SPOCK1: variants seen among roughly 807,000 people sequenced by gnomAD.
SPOCK1 encodes testican-1.
In SPOCK1, 23 loss-of-function variants were observed where a neutral mutation model predicts 55.3. The ratio of observed to expected loss-of-function variants is 0.42; its 90% confidence interval spans 0.30 to 0.59. The LOEUF is 0.59. Ranked by LOEUF, SPOCK1 falls within the 20% of genes least tolerant of loss-of-function variation. The pLI is 0.22. For synonymous variants in SPOCK1, 226 were observed against 221.0 expected (o/e 1.02, Z -0.20); for missense variants, 499 against 552.5 (o/e 0.90, Z 0.97).
At chr5:137,007,480 G>A (rs185969166) in intron 6 of SPOCK1, among the ~76,000 whole-genome samples, 1 of 152,232 alleles carries the variant, frequency 6.6e-6, no homozygotes, top group East Asian at 1.9e-4. Context: ...GTTGGCAAAG[G>A]ATATGAACAG....
At chr5:137,172,258 A>G (rs1156346125) in intron 3 of SPOCK1, among the ~76,000 whole-genome samples, 1 of 152,206 alleles carries the variant, frequency 6.6e-6, no homozygotes, top group Non-Finnish European at 1.5e-5. Flanking sequence ...AAGCTGGTTT[A>G]TATGAAAACG....
chr5:137,128,202 C>G (rs1341593858), intron 4 of SPOCK1, among the ~76,000 whole-genome samples: 2 of 152,164 alleles, frequency 1.3e-5, no homozygotes, highest in African/African-American at 2.4e-5. Flanking sequence ...GGAAGTAGGT[C>G]CTCACCAGAC....
chr5:137,383,555 T>G (rs527974651), intron 2 of SPOCK1, among the ~76,000 whole-genome samples: 1 of 152,228 alleles, frequency 6.6e-6, no homozygotes, highest in Admixed American at 6.5e-5. Context: ...CTAGTCAGGG[T>G]AACTTCCTCC....
chr5:137,498,617 G>T, intron 1 of SPOCK1, 59 bp from the exon 2 acceptor site: 1 of 1,235,564 alleles, frequency 8.1e-7, no homozygotes, highest in Non-Finnish European at 1.0e-6. Context: ...CGAGCCCCGG[G>T]CACCCAGGCG....
At chr5:137,079,536 C>CAA (rs142340469) in intron 5 of SPOCK1, among the ~76,000 whole-genome samples, 1 of 113,866 alleles carries the variant, frequency 8.8e-6, no homozygotes, top group Admixed American at 9.1e-5. Context: ...ATCTGATTCC[C>CAA]CCCCCCCCCG....
At chr5:137,055,890 C>T (rs1752290646) in intron 6 of SPOCK1, among the ~76,000 whole-genome samples, 2 of 152,242 alleles carry the variant, frequency 1.3e-5, no homozygotes, top group Admixed American at 6.5e-5. Context: ...GGTCGTGCCC[C>T]AGAATGACCC....
intron 2 of SPOCK1, among the ~76,000 whole-genome samples, chr5:137,399,233 C>T (rs1416260279): frequency 6.6e-6 from 1 of 152,172 alleles, no homozygotes; most frequent in Non-Finnish European, 1.5e-5. Flanking sequence ...ACCTTAATAA[C>T]TAATACTGAG....
intron 5 of SPOCK1, among the ~76,000 whole-genome samples, chr5:137,094,613 G>A (rs1030768377): frequency 6.6e-6 from 1 of 152,194 alleles, no homozygotes; most frequent in Non-Finnish European, 1.5e-5. Flanking sequence ...CCTTCAGAAA[G>A]TCATGACCTT....
chr5:137,258,469 T>C (rs950314411), intron 3 of SPOCK1, among the ~76,000 whole-genome samples: 5 of 152,246 alleles, frequency 3.3e-5, no homozygotes, highest in Non-Finnish European at 5.9e-5. Context: ...AGCAGCCATT[T>C]CCTGATTGGG....
At chr5:137,217,594 G>C (rs1355693880) in intron 3 of SPOCK1, among the ~76,000 whole-genome samples, 2 of 152,154 alleles carry the variant, frequency 1.3e-5, no homozygotes, top group Non-Finnish European at 2.9e-5. Context: ...TCCAAATGTC[G>C]GTATCACACT....
chr5:137,085,654 G>A (rs185775458), intron 5 of SPOCK1, among the ~76,000 whole-genome samples: 3 of 152,244 alleles, frequency 2.0e-5, no homozygotes, highest in South Asian at 2.1e-4. Flanking sequence ...CTCCACTCCC[G>A]GTCAGTCATT....
At chr5:137,404,927 A>G (rs1752065456) in intron 2 of SPOCK1, among the ~76,000 whole-genome samples, 1 of 152,216 alleles carries the variant, frequency 6.6e-6, no homozygotes, top group Admixed American at 6.5e-5. Context: ...ATGTTTAAAA[A>G]TACTCCATCC....
intron 6 of SPOCK1, among the ~76,000 whole-genome samples, chr5:137,056,383 G>C (rs1752300888): frequency 6.6e-6 from 1 of 152,012 alleles, no homozygotes; most frequent in South Asian, 2.1e-4. Context: ...ATTTAGATGA[G>C]GTCAAGGGAG....
intron 2 of SPOCK1, among the ~76,000 whole-genome samples, chr5:137,443,108 A>T (rs1308676725): frequency 6.6e-6 from 1 of 151,562 alleles, no homozygotes; most frequent in Non-Finnish European, 1.5e-5. Context: ...TTGGGGAAAA[A>T]GAAAACACAG....
chr5:137,031,911 T>C (rs1052985317), intron 6 of SPOCK1, among the ~76,000 whole-genome samples: 2 of 151,390 alleles, frequency 1.3e-5, no homozygotes, highest in Non-Finnish European at 2.9e-5. Context: ...GTTTACAATA[T>C]AGATACATAC....
chr5:137,051,224 G>T (rs1210994295), intron 6 of SPOCK1, among the ~76,000 whole-genome samples: 1 of 152,176 alleles, frequency 6.6e-6, no homozygotes. Flanking sequence ...CAAAAAGTAT[G>T]AGACTGATTA....
chr5:137,173,369 C>T (rs1042254804), intron 3 of SPOCK1, among the ~76,000 whole-genome samples: 1 of 152,112 alleles, frequency 6.6e-6, no homozygotes, highest in East Asian at 1.9e-4. Context: ...AACCTGTCAT[C>T]GTAATAAATC....
chr5:137,423,607 G>A (rs902915979), intron 2 of SPOCK1, among the ~76,000 whole-genome samples: 1 of 152,180 alleles, frequency 6.6e-6, no homozygotes, highest in Non-Finnish European at 1.5e-5. Flanking sequence ...ATCTCCTGGG[G>A]TGCCGTTTGC....
intron 2 of SPOCK1, among the ~76,000 whole-genome samples, chr5:137,475,614 ACT>A (rs1321986438): frequency 2.6e-5 from 4 of 151,816 alleles, no homozygotes; most frequent in Non-Finnish European, 5.9e-5. Flanking sequence ...ACAAGGTTTC[ACT>A]CTGTTGCCCA....
Sources: gnomAD v4.1 joint callset for allele counts (sites outside exome capture counted in the v4.1 genomes callset) on GRCh38, gnomAD v4.1.1 for gene constraint, MANE v1.5 for transcripts, NCBI Gene and HGNC (gene_info 2026-07-23, HGNC 2026-07-21) for gene names.